Variants in PRKCE observed in about 807,000 individuals in gnomAD.
The protein encoded by PRKCE is protein kinase C epsilon type.
PRKCE carries 16 observed loss-of-function variants against 85.4 expected under a neutral mutation model. The observed-to-expected ratio is 0.19, with a 90% CI of 0.13 to 0.28. The LOEUF is 0.28. Among genes scored for constraint, PRKCE ranks in the 10% least tolerant of loss-of-function variants. The pLI is 1.00. For synonymous variants in PRKCE, 388 were observed against 371.5 expected, an observed-to-expected ratio of 1.04 and a Z score of -0.51; for missense variants, 573 against 975.2, an observed-to-expected ratio of 0.59 and a Z score of 5.49.
chr2:45,827,948 T>G (rs1690083805), intron 1 of PRKCE, among the ~76,000 whole-genome samples: 1 of 152,224 alleles, frequency 6.6e-6, no homozygotes. Flanking sequence ...CTTTTTTTCT[T>G]TTTTCCTGTC....
chr2:45,727,922 A>G (rs1573089638), intron 1 of PRKCE, among the ~76,000 whole-genome samples: 1 of 152,182 alleles, frequency 6.6e-6, no homozygotes, highest in South Asian at 2.1e-4. Flanking sequence ...CAAAGTGCTG[A>G]GATTACAGAC....
At chr2:46,027,498 G>A (rs528791837) in intron 10 of PRKCE, among the ~76,000 whole-genome samples, 2 of 152,192 alleles carry the variant, frequency 1.3e-5, no homozygotes, top group Non-Finnish European at 2.9e-5. Flanking sequence ...ACAGCTAAAA[G>A]TGAGTCTTAT....
intron 2 of PRKCE, among the ~76,000 whole-genome samples, chr2:45,846,658 G>C (rs1169071942): frequency 6.6e-6 from 1 of 152,174 alleles, no homozygotes; most frequent in African/African-American, 2.4e-5. Flanking sequence ...AGGCTGAAAG[G>C]GGTCAGTCTT....
chr2:46,105,604 A>G (rs2104144100), intron 11 of PRKCE, among the ~76,000 whole-genome samples: 1 of 152,278 alleles, frequency 6.6e-6, no homozygotes, highest in African/African-American at 2.4e-5. Context: ...CAGCATCACT[A>G]GTGAATGGCA....
intron 2 of PRKCE, among the ~76,000 whole-genome samples, chr2:45,897,502 C>G (rs1696240910): frequency 1.3e-5 from 2 of 152,086 alleles, no homozygotes. Flanking sequence ...TTATGTAGGT[C>G]AAATGGATGA....
At position 45,697,618 on chromosome 2, in the gene PRKCE, C is replaced by T. The variant is rs563225939; in HGVS notation, c.348+45170C>T. Among the ~76,000 whole-genome samples, 1 of 152,216 alleles carries T rather than the reference C, an allele frequency of 6.6e-6. No individual in the cohort carries two copies. The highest frequency in any genetic ancestry group is 1.9e-4 in the East Asian group (1 of 5,164). On this transcript the variant is annotated intron_variant, in intron 1 of 14. Coordinates refer to ENST00000306156, the MANE Select transcript of PRKCE (RefSeq NM_005400.3). This position sits in a 1 kb window ranked among gnomAD's most constrained non-coding sequence, Gnocchi z 4.2. The stretch of plus-strand genomic sequence containing the variant: ...TTTCTTTTGTTCCGGCTCTGATTAC[C>T]TCCCTCCCTAGGTGACATCCCTGCA...
intron 2 of PRKCE, among the ~76,000 whole-genome samples, chr2:45,969,749 T>C (rs776066492): frequency 2.0e-5 from 3 of 152,210 alleles, no homozygotes; most frequent in Non-Finnish European, 4.4e-5. Context: ...CTTTTTCAAA[T>C]GTCAGCCTAT....
chr2:45,825,213 T>C (rs1323714702), intron 1 of PRKCE, among the ~76,000 whole-genome samples: 5 of 152,224 alleles, frequency 3.3e-5, no homozygotes, highest in African/African-American at 1.2e-4. Context: ...AAACAGGAGC[T>C]GCACCTTGTG....
chr2:45,923,650 T>G (rs1249611851), intron 2 of PRKCE, among the ~76,000 whole-genome samples: 1 of 152,104 alleles, frequency 6.6e-6, no homozygotes, highest in African/African-American at 2.4e-5. Context: ...CGTGAAGCAA[T>G]GTGTGCAGGT....
At chr2:45,938,692 T>C (rs1699656773) in intron 2 of PRKCE, among the ~76,000 whole-genome samples, 1 of 151,998 alleles carries the variant, frequency 6.6e-6, no homozygotes, top group Non-Finnish European at 1.5e-5. Flanking sequence ...AAACTCATGG[T>C]ATCATGCCTT....
intron 11 of PRKCE, among the ~76,000 whole-genome samples, chr2:46,118,681 A>G (rs1182629270): frequency 6.6e-6 from 1 of 152,226 alleles, no homozygotes; most frequent in Non-Finnish European, 1.5e-5. Context: ...GACTTAAGTT[A>G]CAGCCAAAGA....
rs114304429 is a variant in PRKCE at position 45,945,669 on chromosome 2, G to C, written c.413-30760G>C. The stretch of plus-strand genomic sequence containing the variant: ...TGAGCTATCACGTTCAACCCTCACA[G>C]TCCCCTGCAAGGCAGGTACTCTTAT... On this transcript the variant is annotated intron_variant, in intron 2 of 14. Coordinates refer to ENST00000306156, the MANE Select transcript of PRKCE (RefSeq NM_005400.3). 5.8e-3 allele frequency among the ~76,000 whole-genome samples: 889 copies of C among 152,324 alleles called. 1 individual carries two copies. The highest frequency in any genetic ancestry group is 9.7e-3 in the Non-Finnish European group (659 of 68,032).
chr2:45,762,403 T>C (rs375430539), intron 1 of PRKCE, among the ~76,000 whole-genome samples: 13 of 152,246 alleles, frequency 8.5e-5, no homozygotes, highest in African/African-American at 2.4e-4. Context: ...TGCTCCCTGC[T>C]GAACTTTGTC....
chr2:46,013,276 G>T lies in PRKCE; in HGVS notation c.1437+2759G>T, dbSNP rs577836722. Among the ~76,000 whole-genome samples the T allele has an allele frequency of 7.9e-5, 12 of 152,318 alleles. No homozygotes were observed. In the South Asian group the frequency reaches 2.5e-3, roughly 32 times the overall value. ...TAGCTATTATTCACCTGACTCTGAG[G>T]TAGATGCTGGGGTTATTAACCAAAG... On this transcript the variant is annotated intron_variant, in intron 10 of 14. Transcript: ENST00000306156.
chr2:45,876,881 T>C (rs1370132440), intron 2 of PRKCE, among the ~76,000 whole-genome samples: 1 of 152,272 alleles, frequency 6.6e-6, no homozygotes, highest in Non-Finnish European at 1.5e-5. Flanking sequence ...AATCTGGCTT[T>C]TTTTCTTAAC....
intron 1 of PRKCE, among the ~76,000 whole-genome samples, chr2:45,805,349 T>C (rs1465324643): frequency 6.6e-6 from 1 of 152,160 alleles, no homozygotes; most frequent in Non-Finnish European, 1.5e-5. Flanking sequence ...TGAGGGGTCA[T>C]CACACAATTA....
At chr2:45,939,853 C>T (rs143796800) in intron 2 of PRKCE, among the ~76,000 whole-genome samples, 133 of 152,210 alleles carry the variant, frequency 8.7e-4, no homozygotes, top group African/African-American at 2.9e-3. Flanking sequence ...ATGCCTGGCC[C>T]GCTAATGCAC....
chr2:45,814,261 A>C (rs1688860026), intron 1 of PRKCE, among the ~76,000 whole-genome samples: 2 of 152,238 alleles, frequency 1.3e-5, no homozygotes, highest in Non-Finnish European at 2.9e-5. Flanking sequence ...GGATTTGATC[A>C]GTGCAGCCCA....
At chr2:46,103,354 T>C (rs1294986311) in intron 11 of PRKCE, among the ~76,000 whole-genome samples, 1 of 152,206 alleles carries the variant, frequency 6.6e-6, no homozygotes, top group East Asian at 1.9e-4. Context: ...GATCCCTGGC[T>C]TCTTTTATTG....
Sources: allele counts gnomAD v4.1 joint callset (sites outside exome capture counted in the v4.1 genomes callset), GRCh38; gene constraint gnomAD v4.1.1; non-coding constraint Gnocchi (gnomAD v3.1); transcripts MANE v1.5; gene names NCBI Gene and HGNC (gene_info 2026-07-23, HGNC 2026-07-21).